OR51B5: variants seen among roughly 807,000 people sequenced by gnomAD.
OR51B5 encodes the protein olfactory receptor 51B5.
For missense variants in OR51B5, 456 were observed against 374.6 expected, an observed-to-expected ratio of 1.22 and a Z score of -1.79; for synonymous variants, 186 against 144.8, an observed-to-expected ratio of 1.28 and a Z score of -2.04.
intron 1 of OR51B5, chr11:5,455,553 G>A (rs1166270583): frequency 4.8e-5 from 2 of 41,874 alleles, no homozygotes; most frequent in East Asian, 4.8e-4. Context: ...GATTGGGGGA[G>A]AAAGAAGGGG....
intron 1 of OR51B5, among the ~76,000 whole-genome samples, chr11:5,376,078 C>A (rs1849523547): frequency 6.6e-6 from 1 of 152,026 alleles, no homozygotes; most frequent in Non-Finnish European, 1.5e-5. Flanking sequence ...CTCTCCTCAG[C>A]AAATATAAAA....
At chr11:5,429,447 C>A (rs760591879) in intron 1 of OR51B5, among the ~76,000 whole-genome samples, 4 of 152,100 alleles carry the variant, frequency 2.6e-5, no homozygotes, top group Non-Finnish European at 4.4e-5. Context: ...GTGGTGAGGA[C>A]AATATTTTCA....
intron 1 of OR51B5, among the ~76,000 whole-genome samples, chr11:5,372,896 G>A (rs777196687): frequency 3.9e-5 from 6 of 152,128 alleles, no homozygotes; most frequent in Non-Finnish European, 8.8e-5. Context: ...CAACTTGATG[G>A]CAGCACACGT....
chr11:5,481,053 C>A (rs1330177490), intron 1 of OR51B5, among the ~76,000 whole-genome samples: 1 of 54,242 alleles, frequency 1.8e-5, no homozygotes, highest in African/African-American at 5.2e-5. Flanking sequence ...GAGACACAAC[C>A]AAAAAAGAGA....
intron 1 of OR51B5, among the ~76,000 whole-genome samples, chr11:5,463,031 A>G (rs1851082624): frequency 6.6e-6 from 1 of 152,234 alleles, no homozygotes; most frequent in Non-Finnish European, 1.5e-5. Context: ...TCAGAAATCA[A>G]GATTTGGTCT....
At chr11:5,377,768 C>G (rs894145074) in intron 1 of OR51B5, among the ~76,000 whole-genome samples, 4 of 142,918 alleles carry the variant, frequency 2.8e-5, no homozygotes, top group Non-Finnish European at 6.2e-5. Context: ...TGTGAAGGAC[C>G]TCTTCAAGGA....
At chr11:5,453,456 T>G (rs764047191) in intron 1 of OR51B5, 1 of 1,461,302 alleles carries the variant, frequency 6.8e-7, no homozygotes, top group Non-Finnish European at 9.2e-7. Flanking sequence ...TCAGAAGATC[T>G]GACTCTGAAA....
At chr11:5,378,535 T>A (rs573606986) in intron 1 of OR51B5, among the ~76,000 whole-genome samples, 1 of 151,980 alleles carries the variant, frequency 6.6e-6, no homozygotes, top group Non-Finnish European at 1.5e-5. Flanking sequence ...ACCTACACAA[T>A]GGGAGAAAAT....
chr11:5,350,842 G>A (rs574349044), intron 1 of OR51B5, among the ~76,000 whole-genome samples: 1 of 152,218 alleles, frequency 6.6e-6, no homozygotes, highest in Admixed American at 6.5e-5. Context: ...AACACACACA[G>A]GTAAGTCACT....
At chr11:5,447,804 G>A (rs1850789957) in intron 1 of OR51B5, among the ~76,000 whole-genome samples, 1 of 152,122 alleles carries the variant, frequency 6.6e-6, no homozygotes, top group African/African-American at 2.4e-5. Flanking sequence ...CAGTGGCCTT[G>A]GTTGGTTATA....
intron 1 of OR51B5, among the ~76,000 whole-genome samples, chr11:5,382,527 T>G (rs1589965720): frequency 6.6e-6 from 1 of 152,210 alleles, no homozygotes; most frequent in Non-Finnish European, 1.5e-5. Flanking sequence ...GCAGCATTGT[T>G]GCTGTTATAC....
chr11:5,421,630 A>G (rs941171230), intron 1 of OR51B5, among the ~76,000 whole-genome samples: 11 of 152,244 alleles, frequency 7.2e-5, no homozygotes, highest in Admixed American at 2.0e-4. Flanking sequence ...TGAGAATAGG[A>G]CAGAGTAGAA....
At chr11:5,369,732 CAAAT>C (rs1034262850) in intron 1 of OR51B5, among the ~76,000 whole-genome samples, 5 of 152,244 alleles carry the variant, frequency 3.3e-5, no homozygotes, top group African/African-American at 9.6e-5. Flanking sequence ...TGAACATACT[CAAAT>C]AAATAGTCCT....
intron 1 of OR51B5, among the ~76,000 whole-genome samples, chr11:5,366,944 C>G (rs910051343): frequency 6.6e-6 from 1 of 152,212 alleles, no homozygotes; most frequent in African/African-American, 2.4e-5. Flanking sequence ...TTGGTGTCAT[C>G]TCTTGAGCAC....
At chr11:5,458,052 A>G (rs1850987327) in intron 1 of OR51B5, among the ~76,000 whole-genome samples, 1 of 152,150 alleles carries the variant, frequency 6.6e-6, no homozygotes, top group African/African-American at 2.4e-5. Flanking sequence ...CTTTGTCCAG[A>G]ATGGTATTTC....
intron 1 of OR51B5, among the ~76,000 whole-genome samples, chr11:5,394,732 G>A (rs2133734406): frequency 6.6e-6 from 1 of 152,274 alleles, no homozygotes; most frequent in Middle Eastern, 3.4e-3. Context: ...CTAAATATTT[G>A]TATCACCTGG....
Position 5,352,157 on chromosome 11 carries a change from T to G in OR51B5, n.85-5247A>C, listed in dbSNP as rs556019212. ...TTTCTCATCATCTTTTTCTCCTACA[T>G]TTTGATTCTCAAGACTGTCATGGGC... On this transcript the variant is annotated intron_variant and non_coding_transcript_variant, in intron 1 of 4. Transcript: ENST00000415970. 4.2e-5 allele frequency: 67 copies of G among 1,614,204 alleles called. No homozygotes were observed. The South Asian group carries it at 6.9e-4, about 17-fold the overall frequency.
At chr11:5,384,548 G>C (rs976793122) in intron 1 of OR51B5, among the ~76,000 whole-genome samples, 2 of 152,154 alleles carry the variant, frequency 1.3e-5, no homozygotes, top group Non-Finnish European at 2.9e-5. Flanking sequence ...CCCCTGATGA[G>C]TGCCTGCATG....
intron 1 of OR51B5, among the ~76,000 whole-genome samples, chr11:5,503,706 A>G (rs1459319377): frequency 6.6e-6 from 1 of 152,244 alleles, no homozygotes; most frequent in Non-Finnish European, 1.5e-5. Flanking sequence ...GCAAAGAAAC[A>G]AAAACATCTA....
Sources: allele counts gnomAD v4.1 joint callset (sites outside exome capture counted in the v4.1 genomes callset), GRCh38; gene constraint gnomAD v4.1.1; transcripts MANE v1.5; gene names NCBI Gene and HGNC (gene_info 2026-07-23, HGNC 2026-07-21).